DEAF1: variants seen among roughly 807,000 people sequenced by gnomAD.
DEAF1 encodes deformed epidermal autoregulatory factor 1 homolog.
In DEAF1, 53 loss-of-function variants were observed where a neutral mutation model predicts 58.9. The observed-to-expected ratio is 0.90, with a 90% confidence interval of 0.72 to 1.13. DEAF1 has a LOEUF of 1.13. DEAF1 is among the 50% of genes most tolerant of loss of function. DEAF1 has a pLI of 0.00. For synonymous variants in DEAF1, 385 were observed against 340.4 expected (o/e 1.13, Z -1.44); for missense variants, 685 against 791.4 (o/e 0.87, Z 1.61).
At chr11:701,456 G>C (rs1222777658) in intron 1 of DEAF1, among the ~76,000 whole-genome samples, 2 of 140,092 alleles carry the variant, frequency 1.4e-5, no homozygotes, top group African/African-American at 5.3e-5. Flanking sequence ...TGTCGCCCAG[G>C]CTGGAGTGCA....
Position 648,430 on chromosome 11 carries a change from C to T in DEAF1, c.1594-3776G>A, listed in dbSNP as rs915019064. On this transcript the variant is annotated intron_variant, in intron 11 of 11. Coordinates refer to ENST00000382409, the MANE Select transcript of DEAF1 (RefSeq NM_021008.4). ...CAGGATGGTCTCGATCTCCTGACCT[C>T]GTGATCCGCCCGCCTCGGCCTCCCA... Among the ~76,000 whole-genome samples, 4 of 152,064 alleles carry T rather than the reference C, an allele frequency of 2.6e-5. No homozygotes were observed. In the East Asian group the frequency reaches 5.8e-4, roughly 22 times the overall value.
chr11:674,338 A>G (rs1859962142), intron 10 of DEAF1, 198 bp downstream of exon 10: 2 of 770,888 alleles, frequency 2.6e-6, no homozygotes, highest in Non-Finnish European at 4.2e-6. Flanking sequence ...AAAAACCAAA[A>G]CCACCTTAAC....
At chr11:677,194 G>C (rs1860122329) in intron 9 of DEAF1, among the ~76,000 whole-genome samples, 2 of 150,286 alleles carry the variant, frequency 1.3e-5, no homozygotes, top group Non-Finnish European at 3.0e-5. Flanking sequence ...TCAAACTCCT[G>C]GCCTCGGCCT....
chr11:659,621 C>T (rs756576927), intron 10 of DEAF1, among the ~76,000 whole-genome samples: 4 of 152,218 alleles, frequency 2.6e-5, no homozygotes, highest in Non-Finnish European at 5.9e-5. Flanking sequence ...GGGGCCTCCG[C>T]CTGCTTCAGG....
At chr11:645,873 A>T (rs952098315) in intron 11 of DEAF1, among the ~76,000 whole-genome samples, 2 of 152,226 alleles carry the variant, frequency 1.3e-5, no homozygotes, top group African/African-American at 4.8e-5. Context: ...ATAGGTACGT[A>T]TATGACACAC....
intron 10 of DEAF1, among the ~76,000 whole-genome samples, chr11:661,943 G>A (rs1389470941): frequency 1.3e-5 from 2 of 152,118 alleles, no homozygotes; most frequent in African/African-American, 4.8e-5. Context: ...CACAGCCCGC[G>A]GGCTGCATGC....
intron 10 of DEAF1, among the ~76,000 whole-genome samples, chr11:657,016 C>A (rs1378731246): frequency 1.3e-5 from 2 of 150,390 alleles, no homozygotes; most frequent in Admixed American, 7.2e-5. Context: ...ACAGGTGACA[C>A]CCTCATCCCT....
rs1221104807 is a variant in DEAF1 at position 694,811 on chromosome 11, G to A, written c.237C>T (p.Gly79=). 14 of 1,424,960 alleles carry A rather than the reference G, an allele frequency of 9.8e-6. No homozygotes were observed. Among genetic ancestry groups the A allele is most frequent in the African/African-American group, 1.5e-5 (1 of 67,422 alleles). The allele number at this position is 1,424,960 out of a possible 1,614,324, so 88.3% of individuals were successfully genotyped here. The stretch of plus-strand genomic sequence containing the variant: ...CGTCGGGGCCGGGCAGGGCCTCGGC[G>A]CCCATGTCCATGTGCCCGGGCTCCG... ...MAAEPGHMDM[G]AEALPGPDEA... The change falls in exon 1 of 12, where the codon GGC becomes GGT. Residue 79 remains glycine, a synonymous_variant. Coordinates refer to ENST00000382409, the MANE Select transcript of DEAF1 (RefSeq NM_021008.4).
intron 10 of DEAF1, chr11:674,279 G>A (rs1383756259): frequency 1.2e-5 from 6 of 507,102 alleles, no homozygotes; most frequent in South Asian, 4.1e-5. Context: ...CACAACGGCC[G>A]ATGCGCACAA....
chr11:667,979 G>A (rs1859632239), intron 10 of DEAF1, among the ~76,000 whole-genome samples: 1 of 152,034 alleles, frequency 6.6e-6, no homozygotes, highest in African/African-American at 2.4e-5. Flanking sequence ...GGGTGTGGTG[G>A]CGCACGCCGA....
At chr11:695,632 A>G (rs967944180), upstream of DEAF1, 46 of 1,244,612 alleles carry the variant, frequency 3.7e-5, no homozygotes, top group Admixed American at 5.1e-4. Flanking sequence ...TCGGTTCTCC[A>G]CCTCTTCCCT....
intron 1 of DEAF1, chr11:700,758 G>A: frequency 6.8e-7 from 1 of 1,474,052 alleles, no homozygotes; most frequent in Non-Finnish European, 9.5e-7. Context: ...GTTGCTATCT[G>A]TTTCCACAGC....
chr11:700,719 G>A (rs1861414912), intron 1 of DEAF1: 8 of 1,605,676 alleles, frequency 5.0e-6, no homozygotes, highest in Non-Finnish European at 6.8e-6. Flanking sequence ...TGAGTGGACT[G>A]TTAACACCGT....
chr11:656,240 C>T lies in DEAF1; in HGVS notation c.1504-2189G>A, dbSNP rs1183306627. On this transcript the variant is annotated intron_variant, in intron 10 of 11. Transcript: ENST00000382409. ...GCACGATCTCAGCTCATTGCAACCA[C>T]CACCTTCCAGATTCGAGCAATGCTT... Among the ~76,000 whole-genome samples, 3 of 151,764 alleles carry T rather than the reference C, an allele frequency of 2.0e-5. No individual in the cohort carries two copies. The East Asian group carries it at 5.8e-4, about 29-fold the overall frequency.
exon 1 of DEAF1, among the ~76,000 whole-genome samples, chr11:707,017 G>A (rs1861741789): frequency 6.6e-6 from 1 of 151,920 alleles, no homozygotes; most frequent in Non-Finnish European, 1.5e-5. Context: ...GGAGGGGGAG[G>A]CAGGGCCGGG....
At position 703,680 on chromosome 11, in the gene DEAF1, C is replaced by T. The variant is rs1231009611; in HGVS notation, c.-438+2892G>A. 4.9e-6 allele frequency: 6 copies of T among 1,232,262 alleles called. No homozygotes were observed. In the African/African-American group the frequency reaches 9.3e-5, roughly 19 times the overall value. The allele number at this position is 1,232,262 out of a possible 1,614,324, so 76.3% of individuals were successfully genotyped here. A position where few individuals can be genotyped will look rare whatever the true frequency, so the allele number is the denominator to read the frequency against. On this transcript the variant is annotated intron_variant, in intron 1 of 11. Transcript: ENST00000683307. Reference sequence around the variant, plus strand: ...TGTGCTCTGAGCAACCCCAGCTCTGCCTCACAGGCAGGCAGGCCCGGTGCA... The same window carrying T: ...TGTGCTCTGAGCAACCCCAGCTCTGTCTCACAGGCAGGCAGGCCCGGTGCA...
At position 680,878 on chromosome 11, in the gene DEAF1, C is replaced by G. The variant is rs1000920655; in HGVS notation, c.997+85G>C. 6.1e-5 allele frequency: 96 copies of G among 1,583,506 alleles called. No homozygotes were observed. In the African/African-American group the frequency reaches 9.7e-4, roughly 16 times the overall value. ...CAATGTGCTTTAGAAGTGAGAATCC[C>G]GCAGTGGCCGTGGGAGTGGTGACGA... On this transcript the variant is annotated intron_variant, in intron 7 of 11. Transcript: ENST00000382409.
At chr11:670,677 T>C (rs779549980) in intron 10 of DEAF1, among the ~76,000 whole-genome samples, 1 of 150,618 alleles carries the variant, frequency 6.6e-6, no homozygotes, top group East Asian at 2.0e-4. Flanking sequence ...ATCACACCAC[T>C]GCACTCTAGC....
chr11:699,070 C>A, upstream of DEAF1: 1 of 714,704 alleles, frequency 1.4e-6, no homozygotes, highest in South Asian at 1.7e-5. Flanking sequence ...GTTCTGCTGG[C>A]TCCATCCCCT....
Sources: allele counts gnomAD v4.1 joint callset (sites outside exome capture counted in the v4.1 genomes callset), GRCh38; gene constraint gnomAD v4.1.1; transcripts MANE v1.5; gene names NCBI Gene and HGNC (gene_info 2026-07-23, HGNC 2026-07-21).